The following NREP variants were observed in gnomAD, a reference collection of about 807,000 sequenced individuals.
NREP encodes the protein neuronal regeneration related protein, also known as neuronal regeneration-related protein.
NREP carries 5 observed loss-of-function variants against 8.6 expected under a neutral mutation model. That is an observed-to-expected ratio of 0.58 (90% confidence interval 0.30 to 1.22). NREP has a LOEUF of 1.22. Among genes scored for constraint, NREP ranks in the 50% most tolerant of loss-of-function variants. The probability of loss-of-function intolerance (pLI) is 0.07; values close to 1 mark genes in which losing one functional copy is unlikely to be tolerated. For missense variants in NREP, 86 were observed against 82.5 expected (o/e 1.04, Z -0.17); for synonymous variants, 27 against 28.0 (o/e 0.96, Z 0.11).
upstream of NREP, among the ~76,000 whole-genome samples, chr5:111,762,588 G>A (rs2112864410): frequency 6.6e-6 from 1 of 152,238 alleles, no homozygotes; most frequent in East Asian, 1.9e-4. Context: ...CTAACCTGAA[G>A]TGACCAGTGT....
chr5:111,807,500 T>A (rs1027529051), intron 2 of NREP, among the ~76,000 whole-genome samples: 1 of 152,348 alleles, frequency 6.6e-6, no homozygotes, highest in South Asian at 2.1e-4. Flanking sequence ...ATTCTATTTT[T>A]AAAATTTTCA....
At chr5:111,970,509 C>T (rs72786292) in intron 2 of NREP, among the ~76,000 whole-genome samples, 4,928 of 152,134 alleles carry the variant, frequency 0.032, 116 homozygotes, top group Non-Finnish European at 0.046. Flanking sequence ...TCACGCATTT[C>T]CTTGAAGCAC....
chr5:111,799,484 T>C (rs1285708261), intron 2 of NREP, among the ~76,000 whole-genome samples: 1 of 152,230 alleles, frequency 6.6e-6, no homozygotes, highest in Non-Finnish European at 1.5e-5. Flanking sequence ...AGAAGACCAA[T>C]TGCCCTAGGA....
intron 2 of NREP, among the ~76,000 whole-genome samples, chr5:111,963,993 A>T (rs1421166789): frequency 6.6e-6 from 1 of 152,262 alleles, no homozygotes; most frequent in Non-Finnish European, 1.5e-5. Flanking sequence ...AATAATAATA[A>T]TGCAAGCACT....
chr5:111,801,278 A>G (rs1751999560), intron 2 of NREP, among the ~76,000 whole-genome samples: 1 of 152,214 alleles, frequency 6.6e-6, no homozygotes, highest in African/African-American at 2.4e-5. Flanking sequence ...TCTAAGTTGT[A>G]TTTACCCTTA....
chr5:111,863,391 C>T (rs1048813714), intron 2 of NREP, among the ~76,000 whole-genome samples: 3 of 151,942 alleles, frequency 2.0e-5, no homozygotes, highest in Admixed American at 1.3e-4. Context: ...ATAGAGAAGT[C>T]GAGGTGAGTA....
intron 2 of NREP, among the ~76,000 whole-genome samples, chr5:111,919,105 T>C (rs1755150566): frequency 8.0e-6 from 1 of 124,458 alleles, no homozygotes; most frequent in South Asian, 2.3e-4. Context: ...AGAAGACATT[T>C]ATGCTGCCAA....
chr5:111,798,373 AT>A (rs1298810853), intron 2 of NREP, among the ~76,000 whole-genome samples: 1 of 151,840 alleles, frequency 6.6e-6, no homozygotes, highest in Non-Finnish European at 1.5e-5. Flanking sequence ...ATTAGTTTTT[AT>A]TTTTTTATTT....
At chr5:111,885,135 T>C (rs1486888853) in intron 2 of NREP, among the ~76,000 whole-genome samples, 2 of 151,992 alleles carry the variant, frequency 1.3e-5, no homozygotes, top group East Asian at 3.9e-4. Flanking sequence ...AGTCTCAGGA[T>C]ACAAAATCAA....
intron 2 of NREP, among the ~76,000 whole-genome samples, chr5:111,748,151 C>T (rs1356304953): frequency 1.3e-5 from 2 of 152,138 alleles, no homozygotes; most frequent in Non-Finnish European, 2.9e-5. Flanking sequence ...TTTCTGGATT[C>T]TCAGGACCTC....
intron 2 of NREP, among the ~76,000 whole-genome samples, chr5:111,834,024 C>T (rs908230824): frequency 6.6e-6 from 1 of 152,174 alleles, no homozygotes; most frequent in African/African-American, 2.4e-5. Context: ...TCCCTAAGCT[C>T]AGGCTCCTCT....
At position 111,735,128 on chromosome 5, in the gene NREP, T is replaced by C. The variant is rs112075431; in HGVS notation, c.81+302A>G. The C allele has an allele frequency of 9.8e-5, 32 of 325,926 alleles. 2 individuals carry two copies. Among genetic ancestry groups the C allele is most frequent in the African/African-American group, 4.9e-4 (23 of 47,332 alleles). 20.2% of individuals were successfully genotyped at this position (325,926 alleles called of 1,614,324 possible). ...AAGAAATCTTTTAGTTTGATCATTG[T>C]ATTTGAGTTTGTCTAACCAGAAATG... On this transcript the variant is annotated intron_variant, in intron 3 of 3. Coordinates refer to ENST00000257435, the MANE Select transcript of NREP (RefSeq NM_004772.4).
rs150405758 is a variant in NREP, at chr5:111,788,358, C to T, written c.136-52851G>A. Among the ~76,000 whole-genome samples the T allele has an allele frequency of 1.3e-3, 192 of 152,108 alleles. 2 individuals carry two copies. The highest frequency in any genetic ancestry group is 4.4e-3 in the African/African-American group (184 of 41,490). On this transcript the variant is annotated intron_variant, in intron 2 of 3. Coordinates refer to the NREP transcript ENST00000395634. Reference sequence around the variant, plus strand: ...CTCTCATACATACAAATATTTTGGACGAAGTGTTGGCGTGTGTGTGTTTGT... The same window carrying T: ...CTCTCATACATACAAATATTTTGGATGAAGTGTTGGCGTGTGTGTGTTTGT...
intron 2 of NREP, among the ~76,000 whole-genome samples, chr5:111,898,083 T>C (rs1754555207): frequency 1.3e-5 from 2 of 152,302 alleles, no homozygotes; most frequent in South Asian, 4.1e-4. Flanking sequence ...ATTTAGAGCG[T>C]TACAAGTGTT....
intron 2 of NREP, among the ~76,000 whole-genome samples, chr5:111,894,043 C>A (rs1267185560): frequency 6.6e-6 from 1 of 151,898 alleles, no homozygotes; most frequent in East Asian, 1.9e-4. Flanking sequence ...CATGATGAAA[C>A]CCCATCTGTA....
chr5:111,965,820 T>C (rs1160082939), intron 2 of NREP, among the ~76,000 whole-genome samples: 1 of 152,204 alleles, frequency 6.6e-6, no homozygotes, highest in Non-Finnish European at 1.5e-5. Flanking sequence ...ATTTTGTTTG[T>C]ATTGGGATTC....
intron 2 of NREP, among the ~76,000 whole-genome samples, chr5:111,952,875 G>A (rs1422037887): frequency 6.6e-6 from 1 of 152,074 alleles, no homozygotes; most frequent in East Asian, 1.9e-4. Flanking sequence ...TAAAAAATTA[G>A]AGAGTAGGAA....
At chr5:111,789,996 A>T (rs1751702673) in intron 2 of NREP, among the ~76,000 whole-genome samples, 1 of 152,130 alleles carries the variant, frequency 6.6e-6, no homozygotes, top group Non-Finnish European at 1.5e-5. Flanking sequence ...TGCACCCTAG[A>T]TACACAACTT....
intron 2 of NREP, among the ~76,000 whole-genome samples, chr5:111,897,236 C>T (rs1173848587): frequency 1.3e-5 from 2 of 152,066 alleles, no homozygotes; most frequent in East Asian, 1.9e-4. Flanking sequence ...AAATATTGTT[C>T]AACCAGATTA....
Sources: allele counts gnomAD v4.1 joint callset (sites outside exome capture counted in the v4.1 genomes callset), GRCh38; gene constraint gnomAD v4.1.1; transcripts MANE v1.5; gene names NCBI Gene and HGNC (gene_info 2026-07-23, HGNC 2026-07-21).